Variants in TRAPPC9 observed in about 807,000 individuals in gnomAD.
TRAPPC9 encodes the protein IKK2 binding protein.
In TRAPPC9, 83 loss-of-function variants were observed where a neutral mutation model predicts 124.0. The ratio of observed to expected loss-of-function variants is 0.67; its 90% CI spans 0.56 to 0.80. The LOEUF (loss-of-function observed/expected upper bound fraction) is 0.80. TRAPPC9 is among the 30% of genes least tolerant of loss of function. The pLI, the probability that TRAPPC9 is intolerant of heterozygous loss-of-function variation, is 0.00. For synonymous variants in TRAPPC9, 638 were observed against 617.5 expected, an observed-to-expected ratio of 1.03 and a Z score of -0.49; for missense variants, 1,302 against 1,508.3, an observed-to-expected ratio of 0.86 and a Z score of 2.27.
intron 11 of TRAPPC9, among the ~76,000 whole-genome samples, chr8:140,291,620 C>T (rs1249940752): frequency 6.6e-6 from 1 of 152,246 alleles, no homozygotes; most frequent in Non-Finnish European, 1.5e-5. Context: ...GTAATCCCCA[C>T]CTTCAGTGTG....
intron 9 of TRAPPC9, among the ~76,000 whole-genome samples, chr8:140,332,306 G>C (rs1252769744): frequency 1.3e-5 from 2 of 152,214 alleles, no homozygotes; most frequent in Non-Finnish European, 2.9e-5. Context: ...AGAGAGTAGA[G>C]GCTGGGAAGG....
At chr8:139,795,985 T>C (rs957336297) in intron 21 of TRAPPC9, among the ~76,000 whole-genome samples, 2 of 148,674 alleles carry the variant, frequency 1.3e-5, no homozygotes, top group African/African-American at 2.5e-5. Flanking sequence ...GGTAAGAGCA[T>C]GAAATGGGTT....
chr8:140,347,302 T>C (rs974886141), intron 9 of TRAPPC9, among the ~76,000 whole-genome samples: 1 of 152,172 alleles, frequency 6.6e-6, no homozygotes, highest in African/African-American at 2.4e-5. Context: ...GCCTTCTGGA[T>C]CCAGCAGCAG....
chr8:139,781,409 C>T (rs1821805020), intron 21 of TRAPPC9, among the ~76,000 whole-genome samples: 1 of 152,164 alleles, frequency 6.6e-6, no homozygotes, highest in South Asian at 2.1e-4. Flanking sequence ...GAAAAAGCTA[C>T]ACACTGTATA....
At chr8:139,751,980 C>T (rs1300709382) in intron 21 of TRAPPC9, among the ~76,000 whole-genome samples, 1 of 150,924 alleles carries the variant, frequency 6.6e-6, no homozygotes, top group East Asian at 2.0e-4. Context: ...ATTCACACAT[C>T]CATCTTTGTC....
intron 18 of TRAPPC9, among the ~76,000 whole-genome samples, chr8:140,009,824 A>C (rs1282434945): frequency 1.3e-5 from 2 of 152,226 alleles, no homozygotes; most frequent in African/African-American, 2.4e-5. Context: ...TCTCCATTCA[A>C]ATATAAGCTC....
At chr8:139,769,091 G>A (rs1443768497) in intron 21 of TRAPPC9, among the ~76,000 whole-genome samples, 1 of 152,116 alleles carries the variant, frequency 6.6e-6, no homozygotes, top group East Asian at 1.9e-4. Context: ...TGTTGTCTAA[G>A]CCACACAGTC....
intron 6 of TRAPPC9, among the ~76,000 whole-genome samples, chr8:140,404,668 G>A (rs1180972921): frequency 1.3e-5 from 2 of 152,184 alleles, no homozygotes; most frequent in Non-Finnish European, 2.9e-5. Context: ...AGATGTGCGC[G>A]TGTATGTGAG....
chr8:140,300,352 C>A, intron 11 of TRAPPC9, 117 bp downstream of exon 11: 2 of 1,312,316 alleles, frequency 1.5e-6, no homozygotes, highest in Non-Finnish European at 2.2e-6. Flanking sequence ...CACACATCCA[C>A]GCACGCACAC....
chr8:140,110,692 G>A (rs1463514036), intron 17 of TRAPPC9, among the ~76,000 whole-genome samples: 2 of 6,110 alleles, frequency 3.3e-4, no homozygotes, highest in Non-Finnish European at 5.8e-4. Context: ...AGCTCCCCCT[G>A]CACCCCCTGC....
intron 15 of TRAPPC9, among the ~76,000 whole-genome samples, chr8:140,261,025 T>A (rs2131552355): frequency 6.6e-6 from 1 of 152,292 alleles, no homozygotes; most frequent in Non-Finnish European, 1.5e-5. Context: ...TCTTACCAGC[T>A]CTTTGAACAT....
chr8:140,441,201 G>A (rs1439134819), intron 2 of TRAPPC9, among the ~76,000 whole-genome samples: 3 of 151,136 alleles, frequency 2.0e-5, no homozygotes, highest in African/African-American at 4.9e-5. Flanking sequence ...AGCTGGTCTC[G>A]AACTCCTGGG....
intron 20 of TRAPPC9, among the ~76,000 whole-genome samples, chr8:139,894,943 C>G (rs936937522): frequency 3.3e-5 from 5 of 152,166 alleles, no homozygotes; most frequent in Non-Finnish European, 7.3e-5. Context: ...TTGGGACATG[C>G]CTGAGCCATG....
intron 21 of TRAPPC9, among the ~76,000 whole-genome samples, chr8:139,854,897 T>C (rs1028653334): frequency 5.9e-5 from 9 of 152,104 alleles, no homozygotes; most frequent in African/African-American, 2.2e-4. Context: ...TCATGCCCCC[T>C]AAAATCACCC....
At chr8:139,892,491 A>G (rs1830413025) in intron 20 of TRAPPC9, among the ~76,000 whole-genome samples, 1 of 152,218 alleles carries the variant, frequency 6.6e-6, no homozygotes, top group African/African-American at 2.4e-5. Context: ...ACAGGAGAAA[A>G]TGTGGAGACA....
chr8:140,071,465 G>A (rs1843154324), intron 17 of TRAPPC9, among the ~76,000 whole-genome samples: 1 of 152,204 alleles, frequency 6.6e-6, no homozygotes. Flanking sequence ...GGAAACACGG[G>A]CTCAAGCGTG....
rs554487188 is a variant in TRAPPC9, at chr8:139,842,863, C to T, written c.3055+43016G>A. Among the ~76,000 whole-genome samples the T allele has an allele frequency of 2.8e-3, 420 of 152,330 alleles. 1 individual carries two copies. Among genetic ancestry groups the T allele is most frequent in the African/African-American group, 9.4e-3 (392 of 41,576 alleles). ...CAGCTGCACTGCCAGGTCCTACAAC[C>T]GGGTTTCATTTCATGTCACCCCTCT... On this transcript the variant is annotated intron_variant, in intron 21 of 22. Transcript: ENST00000438773.
At chr8:140,081,350 T>A (rs956216364) in intron 17 of TRAPPC9, among the ~76,000 whole-genome samples, 34 of 150,680 alleles carry the variant, frequency 2.3e-4, no homozygotes, top group African/African-American at 7.3e-4. Flanking sequence ...TGAATGCTTT[T>A]TTTTTTTTTT....
intron 19 of TRAPPC9, chr8:139,932,544 C>T (rs766208509): frequency 4.4e-6 from 2 of 455,334 alleles, no homozygotes; most frequent in South Asian, 3.1e-5. Context: ...AGGTGGATTG[C>T]CTGAGCTCAG....
Sources: allele counts gnomAD v4.1 joint callset (sites outside exome capture counted in the v4.1 genomes callset), GRCh38; gene constraint gnomAD v4.1.1; transcripts MANE v1.5; gene names NCBI Gene and HGNC (gene_info 2026-07-23, HGNC 2026-07-21).